Variants in RPAP2 observed in about 807,000 individuals in gnomAD.
RPAP2 encodes putative RNA polymerase II subunit B1 CTD phosphatase RPAP2.
In RPAP2, 52 loss-of-function variants were observed where a neutral mutation model predicts 73.1. That is an observed-to-expected ratio of 0.71 (90% confidence interval 0.57 to 0.90). The LOEUF (loss-of-function observed/expected upper bound fraction) is 0.90. Ranked by LOEUF, RPAP2 falls within the 40% of genes least tolerant of loss-of-function variation. The pLI, the probability that RPAP2 is intolerant of heterozygous loss-of-function variation, is 0.00. For missense variants in RPAP2, 598 were observed against 701.8 expected (o/e 0.85, Z 1.67); for synonymous variants, 225 against 242.1 (o/e 0.93, Z 0.65).
intron 10 of RPAP2, among the ~76,000 whole-genome samples, chr1:92,342,905 A>C (rs576157564): frequency 1.4e-4 from 21 of 152,108 alleles, no homozygotes; most frequent in Non-Finnish European, 2.8e-4. Flanking sequence ...GGCTCTACCA[A>C]ATTTTGAGAT....
At position 92,392,449 on chromosome 1, in the gene RPAP2, G is replaced by A. The variant is rs1184444745; in HGVS notation, c.*5438G>A. On this transcript the variant is annotated 3_prime_UTR_variant, in exon 13 of 13. Coordinates refer to ENST00000610020, the MANE Select transcript of RPAP2 (RefSeq NM_024813.3). ...TAGCATACTGAATGGGCAAAAGCTG[G>A]AAGCATTTCCTTTGAAGACCAGCAC... 1 of 152,208 alleles carries A rather than the reference G, an allele frequency of 6.6e-6. No individual in the cohort carries two copies. The highest frequency in any genetic ancestry group is 2.4e-5 in the African/African-American group (1 of 41,450). 9.4% of individuals were successfully genotyped at this position (152,208 alleles called of 1,614,324 possible). A position where few individuals can be genotyped will look rare whatever the true frequency, so the allele number is the denominator to read the frequency against.
intron 8 of RPAP2, among the ~76,000 whole-genome samples, chr1:92,330,399 T>C (rs920617678): frequency 2.8e-4 from 43 of 151,944 alleles, no homozygotes; most frequent in African/African-American, 9.4e-4. Flanking sequence ...AGATCACTCA[T>C]TGAACTATCT....
At chr1:92,322,704 A>C (rs752306544) in intron 7 of RPAP2, among the ~76,000 whole-genome samples, 4 of 150,878 alleles carry the variant, frequency 2.7e-5, no homozygotes, top group African/African-American at 9.7e-5. Context: ...GCAAAACTCC[A>C]TCTCTACTAA....
rs528272809 is a variant in RPAP2 at position 92,398,432 on chromosome 1, C to T, written c.*11421C>T. Reference sequence around the variant, plus strand: ...TAGTCATGTCCAAAAACCAGTTGATCTTCCTACTCATTAGGGGACAAGATC... The same window carrying T: ...TAGTCATGTCCAAAAACCAGTTGATTTTCCTACTCATTAGGGGACAAGATC... On this transcript the variant is annotated 3_prime_UTR_variant, in exon 13 of 13. Coordinates refer to ENST00000610020, the MANE Select transcript of RPAP2 (RefSeq NM_024813.3). 1 of 152,298 alleles carries T rather than the reference C, an allele frequency of 6.6e-6. No individual in the cohort carries two copies. Among genetic ancestry groups the T allele is most frequent in the Admixed American group, 6.5e-5 (1 of 15,288 alleles). 9.4% of individuals were successfully genotyped at this position (152,298 alleles called of 1,614,324 possible).
At chr1:92,351,999 T>G (rs1487536) in intron 11 of RPAP2, among the ~76,000 whole-genome samples, 72,453 of 151,898 alleles carry the variant, frequency 0.48, 18,286 homozygotes, top group East Asian at 0.96. Context: ...ATGAAGGAGA[T>G]GAGTACTTTG....
intron 10 of RPAP2, among the ~76,000 whole-genome samples, chr1:92,338,608 A>G (rs1003128245): frequency 2.6e-5 from 4 of 151,514 alleles, no homozygotes; most frequent in Non-Finnish European, 5.9e-5. Flanking sequence ...AAGTCGAGTG[A>G]GGGAAGATGA....
intron 5 of RPAP2, among the ~76,000 whole-genome samples, chr1:92,304,683 G>A (rs941659241): frequency 6.6e-6 from 1 of 152,168 alleles, no homozygotes; most frequent in African/African-American, 2.4e-5. Context: ...ATGACAGCGG[G>A]AGTATTGTAG....
chr1:92,345,355 C>A (rs1475135427), intron 10 of RPAP2, among the ~76,000 whole-genome samples: 10 of 119,466 alleles, frequency 8.4e-5, no homozygotes, highest in African/African-American at 3.0e-4. Flanking sequence ...GCAGCCCAGG[C>A]AACATAGCAA....
chr1:92,360,634 CTT>C (rs1308127162), intron 11 of RPAP2, among the ~76,000 whole-genome samples: 2 of 152,108 alleles, frequency 1.3e-5, no homozygotes, highest in Non-Finnish European at 2.9e-5. Flanking sequence ...GTATTTGCCT[CTT>C]TTTCTTTCCT....
At chr1:92,339,780 G>A (rs377754471) in intron 10 of RPAP2, among the ~76,000 whole-genome samples, 8 of 152,144 alleles carry the variant, frequency 5.3e-5, no homozygotes, top group Non-Finnish European at 7.4e-5. Flanking sequence ...CTGCAGATAT[G>A]AGGAGACATT....
intron 6 of RPAP2, among the ~76,000 whole-genome samples, chr1:92,309,328 G>A (rs1455135599): frequency 6.6e-6 from 1 of 151,786 alleles, no homozygotes; most frequent in East Asian, 2.0e-4. Flanking sequence ...TGTAGTCTCA[G>A]CTACTCAGGA....
chr1:92,381,647 T>G (rs1264120481), intron 12 of RPAP2, among the ~76,000 whole-genome samples: 2 of 149,140 alleles, frequency 1.3e-5, no homozygotes, highest in Non-Finnish European at 3.0e-5. Flanking sequence ...TGTTGTAAAA[T>G]AAAAATTAAG....
At chr1:92,320,473 A>T (rs1290544334) in intron 6 of RPAP2, 126 bp from the exon 7 acceptor site, 2 of 627,618 alleles carry the variant, frequency 3.2e-6, no homozygotes, top group Non-Finnish European at 5.8e-6. Flanking sequence ...GGGTTTCACC[A>T]TGTTGGCCAG....
At chr1:92,350,362 T>C (rs1365522087) in intron 11 of RPAP2, among the ~76,000 whole-genome samples, 3 of 152,172 alleles carry the variant, frequency 2.0e-5, no homozygotes, top group East Asian at 1.9e-4. Flanking sequence ...ACAGTGATAA[T>C]TGATTGACTT....
chr1:92,389,411 G>A lies in RPAP2; in HGVS notation c.*2400G>A, dbSNP rs1170862907. 2 of 152,160 alleles carry A rather than the reference G, an allele frequency of 1.3e-5. No homozygotes were observed. Among genetic ancestry groups the A allele is most frequent in the Non-Finnish European group, 1.5e-5 (1 of 68,042 alleles). 9.4% of individuals were successfully genotyped at this position (152,160 alleles called of 1,614,324 possible). ...AGGACACCAACATCAGAGACCAAAG[G>A]TAGGTAAAACCACAAAGATGGGGAG... On this transcript the variant is annotated 3_prime_UTR_variant, in exon 13 of 13. Transcript: ENST00000610020.
At chr1:92,386,616 T>A (rs1655872550) in intron 12 of RPAP2, among the ~76,000 whole-genome samples, 1 of 152,172 alleles carries the variant, frequency 6.6e-6, no homozygotes, top group Non-Finnish European at 1.5e-5. Context: ...ATATACATGA[T>A]GGGGAAGAAA....
intron 6 of RPAP2, among the ~76,000 whole-genome samples, chr1:92,319,825 C>T (rs774864560): frequency 6.6e-6 from 1 of 151,942 alleles, no homozygotes; most frequent in Non-Finnish European, 1.5e-5. Flanking sequence ...ATGGAGAAAC[C>T]CCATCTCTAC....
At chr1:92,369,869 A>T (rs1157996109) in intron 11 of RPAP2, among the ~76,000 whole-genome samples, 1 of 152,126 alleles carries the variant, frequency 6.6e-6, no homozygotes, top group Non-Finnish European at 1.5e-5. Context: ...ACCTGAAAGT[A>T]AACATTTTTA....
intron 1 of RPAP2, 67 bp downstream of exon 1, chr1:92,299,213 C>A: frequency 9.9e-7 from 1 of 1,006,124 alleles, no homozygotes; most frequent in African/African-American, 1.7e-5. Context: ...AGTTATAGAC[C>A]GCAGCGCGCG....
Sources: gnomAD v4.1 joint callset for allele counts (sites outside exome capture counted in the v4.1 genomes callset) on GRCh38, gnomAD v4.1.1 for gene constraint, MANE v1.5 for transcripts, NCBI Gene and HGNC (gene_info 2026-07-23, HGNC 2026-07-21) for gene names.